VPS4B: variants seen among roughly 807,000 people sequenced by gnomAD.
The protein encoded by VPS4B is vacuolar protein sorting-associated protein 4B.
In VPS4B, 23 loss-of-function variants were observed where a neutral mutation model predicts 56.1. The ratio of observed to expected loss-of-function variants is 0.41; its 90% CI spans 0.30 to 0.58. The LOEUF (loss-of-function observed/expected upper bound fraction) is 0.58. VPS4B is among the 20% of genes least tolerant of loss of function. VPS4B has a pLI of 0.29. For missense variants in VPS4B, 372 were observed against 531.9 expected (o/e 0.70, Z 2.96); for synonymous variants, 177 against 186.0 (o/e 0.95, Z 0.39).
Position 63,407,446 on chromosome 18 carries a change from T to A in VPS4B, c.350A>T (p.Gln117Leu), listed in dbSNP as rs1205274888. 1.2e-6 allele frequency: 2 copies of A among 1,609,114 alleles called. No individual in the cohort carries two copies. Among genetic ancestry groups the A allele is most frequent in the Non-Finnish European group, 1.7e-6 (2 of 1,178,470 alleles). ...ESDDPEKKKL[Q>L]NQLQGAIVIE... ...TCTAAAGCAACCTTGAAGTTGATTC[T>A]GTAGTTTCTTTTTTTCAGGATCATC... Residue 117 changes from glutamine (Q) to leucine (L), a missense_variant, in exon 4 of 11, where the codon CAG (glutamine) becomes CTG (leucine). Around this residue, in one of 3 missense-constraint regions of VPS4B, gnomAD observed 153 missense variants for 190.3 expected, o/e 0.80. Coordinates refer to ENST00000238497, the MANE Select transcript of VPS4B (RefSeq NM_004869.4).
intron 7 of VPS4B, 23 bp downstream of exon 7, chr18:63,400,024 GA>G (rs772616167): frequency 3.1e-4 from 465 of 1,497,054 alleles, no homozygotes; most frequent in Admixed American, 1.1e-3. Context: ...GTCTCAAAAA[GA>G]AAAAAAAAAT....
At chr18:63,414,677 C>T (rs576394959) in intron 1 of VPS4B, among the ~76,000 whole-genome samples, 152 of 152,274 alleles carry the variant, frequency 1.0e-3, no homozygotes, top group African/African-American at 3.6e-3. Context: ...TCAGGTGATA[C>T]ACCTGCCTCA....
intron 10 of VPS4B, 59 bp from the exon 11 acceptor site, chr18:63,391,135 A>C: frequency 8.8e-7 from 1 of 1,139,624 alleles, no homozygotes; most frequent in South Asian, 1.3e-5. Flanking sequence ...AAAATAAAAA[A>C]CCGTCATATT....
rs778913054 is a variant in VPS4B, at chr18:63,407,409, T to G, written c.364+23A>C. 1.2e-4 allele frequency: 188 copies of G among 1,578,308 alleles called. 2 individuals are homozygous for G. In the South Asian group the frequency reaches 2.0e-3, roughly 17 times the overall value. On this transcript the variant is annotated intron_variant, in intron 4 of 10. Coordinates refer to ENST00000238497, the MANE Select transcript of VPS4B (RefSeq NM_004869.4). ...GAGTCTTTTTAATAGGATAGTAAAT[T>G]TAAAAATGAAATCTAAAGCAACCTT...
At chr18:63,403,158 T>TA (rs2144421855) in intron 5 of VPS4B, among the ~76,000 whole-genome samples, 1 of 152,264 alleles carries the variant, frequency 6.6e-6, no homozygotes, top group East Asian at 1.9e-4. Context: ...CTGAAACTGT[T>TA]AAGTGATTCT....
At chr18:63,401,987 CTG>C (rs1915820652) in intron 5 of VPS4B, among the ~76,000 whole-genome samples, 3 of 152,030 alleles carry the variant, frequency 2.0e-5, no homozygotes, top group Admixed American at 1.3e-4. Context: ...GAGTGAAACT[CTG>C]TCTCAAAAAA....
At chr18:63,410,773 T>C (rs540280714) in intron 2 of VPS4B, among the ~76,000 whole-genome samples, 1 of 152,246 alleles carries the variant, frequency 6.6e-6, no homozygotes, top group Non-Finnish European at 1.5e-5. Context: ...TCAAAGTTGC[T>C]TGTCTTAGAC....
chr18:63,413,368 G>A (rs1312015927), intron 1 of VPS4B, among the ~76,000 whole-genome samples: 1 of 151,804 alleles, frequency 6.6e-6, no homozygotes, highest in Non-Finnish European at 1.5e-5. Flanking sequence ...GTGAAACCCC[G>A]TCTCTACTAA....
chr18:63,398,385 AT>A (rs1448802877), intron 8 of VPS4B, among the ~76,000 whole-genome samples: 1 of 151,502 alleles, frequency 6.6e-6, no homozygotes, highest in Non-Finnish European at 1.5e-5. Flanking sequence ...TGGCCAGGTA[AT>A]TTTTTTGGAT....
intron 5 of VPS4B, 118 bp from the exon 6 acceptor site, chr18:63,400,821 T>A: frequency 9.7e-7 from 1 of 1,028,702 alleles, no homozygotes; most frequent in Non-Finnish European, 1.4e-6. Flanking sequence ...AAACAATATT[T>A]TAAAAATAAA....
chr18:63,394,707 C>T (rs1002977429), intron 9 of VPS4B, among the ~76,000 whole-genome samples: 1 of 152,158 alleles, frequency 6.6e-6, no homozygotes, highest in Non-Finnish European at 1.5e-5. Flanking sequence ...CCTTGTGATC[C>T]GCCCACCTTG....
chr18:63,412,982 A>G (rs530485680), intron 1 of VPS4B, among the ~76,000 whole-genome samples: 1 of 152,236 alleles, frequency 6.6e-6, no homozygotes, highest in Non-Finnish European at 1.5e-5. Context: ...AAAGGATGAA[A>G]GGACAATCTA....
chr18:63,398,222 TA>T lies in VPS4B; in HGVS notation c.873-970del, dbSNP rs1394989212. 6.1e-3 allele frequency among the ~76,000 whole-genome samples: 296 copies of T among 48,906 alleles called. 2 individuals are homozygous for T. The highest frequency in any genetic ancestry group is 0.015 in the African/African-American group (260 of 17,488). 32.1% of individuals were successfully genotyped at this position (48,906 alleles called of 152,430 possible). On this transcript the variant is annotated intron_variant, in intron 8 of 10. Coordinates refer to ENST00000238497, the MANE Select transcript of VPS4B (RefSeq NM_004869.4). ...ACACACACATATATATATATATATATATTTTTTTTTGAGATGGAGTCTCACT... is the reference window on the plus strand; with the variant it reads ...ACACACACATATATATATATATATATTTTTTTTTTGAGATGGAGTCTCACT...
chr18:63,421,238 A>ATG (rs879712220), intron 1 of VPS4B, among the ~76,000 whole-genome samples: 2 of 152,050 alleles, frequency 1.3e-5, no homozygotes, highest in Non-Finnish European at 2.9e-5. Context: ...CTTTTTGTGT[A>ATG]TGTGTGTGTG....
intron 1 of VPS4B, among the ~76,000 whole-genome samples, chr18:63,418,932 G>A (rs754234946): frequency 6.6e-6 from 1 of 152,100 alleles, no homozygotes; most frequent in Non-Finnish European, 1.5e-5. Flanking sequence ...ATATTCACCG[G>A]ACATTTCCAT....
At chr18:63,415,745 C>T in intron 1 of VPS4B, 1 of 234,078 alleles carries the variant, frequency 4.3e-6, no homozygotes, top group African/African-American at 2.3e-5. Flanking sequence ...TGACAGATGG[C>T]AGGTCCTCAT....
chr18:63,391,194 A>C (rs561135474), intron 10 of VPS4B, 118 bp from the exon 11 acceptor site: 4 of 680,066 alleles, frequency 5.9e-6, no homozygotes, highest in Non-Finnish European at 1.0e-5. Flanking sequence ...GAATATTTGC[A>C]GTCTGCCATA....
chr18:63,406,082 A>G (rs571788474), intron 4 of VPS4B, among the ~76,000 whole-genome samples: 1 of 152,350 alleles, frequency 6.6e-6, no homozygotes, highest in Admixed American at 6.5e-5. Flanking sequence ...GGGAAACAAA[A>G]CCAAATCCAA....
chr18:63,416,798 C>T (rs962396654), intron 1 of VPS4B, among the ~76,000 whole-genome samples: 1 of 152,156 alleles, frequency 6.6e-6, no homozygotes, highest in Non-Finnish European at 1.5e-5. Flanking sequence ...GAATGCTCTT[C>T]CCTCCTTTCC....
Sources: gnomAD v4.1 joint callset for allele counts (sites outside exome capture counted in the v4.1 genomes callset) on GRCh38, gnomAD v4.1.1 for gene constraint, gnomAD v4.1.1 regional missense constraint, MANE v1.5 for transcripts, NCBI Gene and HGNC (gene_info 2026-07-23, HGNC 2026-07-21) for gene names.